Variants in PTPRB observed in about 807,000 individuals in gnomAD.
PTPRB encodes receptor-type tyrosine-protein phosphatase beta.
PTPRB carries 97 observed loss-of-function variants against 238.1 expected under a neutral mutation model. That is an observed-to-expected ratio of 0.41 (90% CI 0.35 to 0.48). The LOEUF is 0.48. Among genes scored for constraint, PTPRB ranks in the 20% least tolerant of loss-of-function variants. The pLI is 0.30. For synonymous variants in PTPRB, 970 were observed against 995.4 expected (o/e 0.97, Z 0.48); for missense variants, 2,292 against 2,681.9 (o/e 0.85, Z 3.21).
chr12:70,558,990 G>C (rs1406814000), intron 18 of PTPRB: 1 of 376,816 alleles, frequency 2.7e-6, no homozygotes, highest in Non-Finnish European at 4.8e-6. Context: ...CTTGCTTTAG[G>C]TTTCTATTTG....
rs1370240647 is a variant in PTPRB at position 70,566,592 on chromosome 12, T to G, written c.3747A>C (p.Leu1249=). ...TGCGCAGAAGGATTCCATTTTCAGT[T>G]AGAAGCAGGATATCATATCTTTCTG... ...GVAERYDILL[L]TENGILLRNT... The change falls in exon 15 of 34, where the codon CTA becomes CTC. Residue 1249 remains leucine, a synonymous_variant. Transcript: ENST00000334414. 1 of 1,613,890 alleles carries G rather than the reference T, an allele frequency of 6.2e-7. No homozygotes were observed.
intron 8 of PTPRB, among the ~76,000 whole-genome samples, chr12:70,589,190 A>T (rs1414444365): frequency 6.6e-6 from 1 of 152,190 alleles, no homozygotes; most frequent in Non-Finnish European, 1.5e-5. Context: ...AGATGAGGAG[A>T]TTACTGCAAG....
chr12:70,635,871 A>C lies in PTPRB; in HGVS notation c.251T>G (p.Leu84Trp), dbSNP rs777419300. Reference protein sequence around the residue: ...SSRGPSRSAILDRCSQAPRWT... With the variant: ...SSRGPSRSAIWDRCSQAPRWT... Reference sequence around the variant, plus strand: ...TCGGGGTGCCTGGGAACAGCGGTCCAAGATGGCTGAGCGGGAGGGGCCGCG... The same window carrying C: ...TCGGGGTGCCTGGGAACAGCGGTCCCAGATGGCTGAGCGGGAGGGGCCGCG... Residue 84 changes from leucine (L) to tryptophan (W), a missense_variant, in exon 2 of 34, where the codon TTG (leucine) becomes TGG (tryptophan). By Grantham distance (61) the Leu-to-Trp change is moderately conservative. Around this residue, in one of 4 missense-constraint regions of PTPRB, gnomAD observed 1,205 missense variants for 1,287.8 expected, o/e 0.94. Coordinates refer to ENST00000334414, the MANE Select transcript of PTPRB (RefSeq NM_001109754.4). 6.2e-7 allele frequency: 1 copy of C among 1,613,852 alleles called. No individual in the cohort carries two copies. The highest frequency in any genetic ancestry group is 8.5e-7 in the Non-Finnish European group (1 of 1,179,864).
chr12:70,520,480 G>T lies in PTPRB; in HGVS notation c.*1009C>A. 4.9e-6 allele frequency: 1 copy of T among 202,316 alleles called. No homozygotes were observed. The highest frequency in any genetic ancestry group is 1.6e-4 in the East Asian group (1 of 6,308). 12.5% of individuals were successfully genotyped at this position (202,316 alleles called of 1,614,324 possible). A position where few individuals can be genotyped will look rare whatever the true frequency, so the allele number is the denominator to read the frequency against. Reference sequence around the variant, plus strand: ...TTGTAGTCATTTCTATGAAAATGTTGGCATTAAGCCTTTTAATGAGGGGCA... The same window carrying T: ...TTGTAGTCATTTCTATGAAAATGTTTGCATTAAGCCTTTTAATGAGGGGCA... On this transcript the variant is annotated 3_prime_UTR_variant, in exon 34 of 34. Coordinates refer to ENST00000334414, the MANE Select transcript of PTPRB (RefSeq NM_001109754.4).
intron 32 of PTPRB, among the ~76,000 whole-genome samples, chr12:70,529,468 T>A (rs1302465222): frequency 6.6e-6 from 1 of 152,126 alleles, no homozygotes; most frequent in African/African-American, 2.4e-5. Context: ...TTTGTGAAAG[T>A]GACAATAAAC....
At chr12:70,611,105 C>T (rs1200243402) in intron 3 of PTPRB, among the ~76,000 whole-genome samples, 3 of 152,200 alleles carry the variant, frequency 2.0e-5, no homozygotes, top group Non-Finnish European at 2.9e-5. Context: ...TCCCTAACAA[C>T]TGCCAAAAGA....
intron 4 of PTPRB, among the ~76,000 whole-genome samples, chr12:70,599,060 A>G (rs1255047658): frequency 6.6e-6 from 1 of 152,228 alleles, no homozygotes; most frequent in Non-Finnish European, 1.5e-5. Flanking sequence ...GCAGTTGTCC[A>G]CTATTGCTAT....
intron 2 of PTPRB, among the ~76,000 whole-genome samples, chr12:70,623,500 T>C (rs1271804063): frequency 2.0e-5 from 3 of 152,204 alleles, no homozygotes; most frequent in East Asian, 1.9e-4. Flanking sequence ...GATGCTGATG[T>C]TGCTGGTTTT....
Position 70,539,722 on chromosome 12 carries a change from A to C in PTPRB, c.5697-16T>G. ...TTTTATTGGACTGTAATTAAAAATGAAACAAACAGAAAAGAGTTACTGCAG... is the reference window on the plus strand; with the variant it reads ...TTTTATTGGACTGTAATTAAAAATGCAACAAACAGAAAAGAGTTACTGCAG... On this transcript the variant is annotated splice_polypyrimidine_tract_variant and intron_variant, in intron 25 of 33. Transcript: ENST00000334414. 2 of 1,601,476 alleles carry C rather than the reference A, an allele frequency of 1.2e-6. No homozygotes were observed. The highest frequency in any genetic ancestry group is 1.7e-6 in the Non-Finnish European group (2 of 1,169,202).
At chr12:70,619,000 G>A (rs367909491) in intron 3 of PTPRB, among the ~76,000 whole-genome samples, 5 of 152,098 alleles carry the variant, frequency 3.3e-5, no homozygotes, top group African/African-American at 9.7e-5. Flanking sequence ...AAAGGAGAAC[G>A]GCAGGGAATA....
chr12:70,553,106 C>G, intron 20 of PTPRB, 86 bp from the exon 21 acceptor site: 1 of 1,444,278 alleles, frequency 6.9e-7, no homozygotes, highest in Non-Finnish European at 9.4e-7. Context: ...CTAAGGCTGC[C>G]TCCACATCCA....
At chr12:70,544,408 C>T (rs188348904) in intron 22 of PTPRB, 149 bp downstream of exon 22, 1 of 596,450 alleles carries the variant, frequency 1.7e-6, no homozygotes. Flanking sequence ...TTGTACAATC[C>T]CTTTGATCCA....
Position 70,572,058 on chromosome 12 carries a change from T to C in PTPRB, c.2872A>G (p.Ser958Gly). The C allele has an allele frequency of 6.2e-7, 1 of 1,613,456 alleles. No individual in the cohort carries two copies. Among genetic ancestry groups the C allele is most frequent in the Non-Finnish European group, 8.5e-7 (1 of 1,179,532 alleles). Residue 958 changes from serine to glycine, a missense_variant, in exon 12 of 34, where the codon AGC (serine) becomes GGC (glycine). This residue lies in a region of PTPRB where 1,205 missense variants were observed against 1,287.8 expected (regional missense o/e 0.94). Transcript: ENST00000334414. ...VPDKVQGVSV[S>G]NSARSDYLRV... is the part of the protein sequence containing the mutation. ...AAATAGTCACTCCTGGCTGAGTTGC[T>C]AACACTGACTCCCTGGACTTTGTCA...
intron 20 of PTPRB, among the ~76,000 whole-genome samples, chr12:70,553,981 C>T (rs939623929): frequency 6.6e-6 from 1 of 152,160 alleles, no homozygotes; most frequent in Admixed American, 6.5e-5. Context: ...TGGGGTGTGA[C>T]TTTTTTGGTT....
intron 16 of PTPRB, among the ~76,000 whole-genome samples, chr12:70,562,468 T>A (rs1014149709): frequency 2.6e-5 from 4 of 152,326 alleles, no homozygotes; most frequent in Non-Finnish European, 4.4e-5. Context: ...TATTTGTGGT[T>A]GCCCTTCTCT....
At chr12:70,577,261 C>G (rs1340983975) in intron 10 of PTPRB, among the ~76,000 whole-genome samples, 1 of 152,142 alleles carries the variant, frequency 6.6e-6, no homozygotes, top group Non-Finnish European at 1.5e-5. Flanking sequence ...AGTAAGAAGT[C>G]TGGAAGCTGG....
At chr12:70,523,336 G>C (rs921356962) in intron 33 of PTPRB, among the ~76,000 whole-genome samples, 9 of 152,128 alleles carry the variant, frequency 5.9e-5, no homozygotes, top group African/African-American at 1.9e-4. Context: ...ATTTATTGTA[G>C]AGAAGGGGTC....
chr12:70,593,621 T>C (rs1345027694), intron 6 of PTPRB, among the ~76,000 whole-genome samples: 3 of 151,252 alleles, frequency 2.0e-5, no homozygotes, highest in Non-Finnish European at 4.4e-5. Context: ...ACTTTTAAGA[T>C]ATATAGAACA....
In PTPRB at chr12:70,556,147, C is replaced by T. The variant is rs951300525; in HGVS notation, c.4716G>A (p.Lys1572=). 1 of 1,611,492 alleles carries T rather than the reference C, an allele frequency of 6.2e-7. No individual in the cohort carries two copies. Among genetic ancestry groups the T allele is most frequent in the Non-Finnish European group, 8.5e-7 (1 of 1,178,374 alleles). Residue 1572 remains lysine, a splice_region_variant and synonymous_variant, in exon 19 of 34, where the codon AAG becomes AAA. Coordinates refer to ENST00000334414, the MANE Select transcript of PTPRB (RefSeq NM_001109754.4). The stretch of plus-strand genomic sequence containing the variant: ...AATGCAGGTTTTGTATCTTGTCAGG[C>T]TCTAAAGGAAACAGAGGAGGCAACA... ...SKPIFGSVRT[K]PDKIQNLHCR...
Sources: gnomAD v4.1 joint callset for allele counts (sites outside exome capture counted in the v4.1 genomes callset) on GRCh38, gnomAD v4.1.1 for gene constraint, gnomAD v4.1.1 regional missense constraint, MANE v1.5 for transcripts, NCBI Gene and HGNC (gene_info 2026-07-23, HGNC 2026-07-21) for gene names.